Variants in RRM2 observed in about 807,000 individuals in gnomAD.
RRM2 encodes the protein ribonucleotide reductase regulatory subunit M2.
Under a neutral mutation model 45.9 loss-of-function variants are expected in RRM2, and 6 were observed. That is an observed-to-expected ratio of 0.13 (90% CI 0.07 to 0.26). RRM2 has a LOEUF of 0.26. RRM2 is among the 10% of genes least tolerant of loss of function. RRM2 has a pLI of 1.00. For synonymous variants in RRM2, 177 were observed against 173.0 expected (o/e 1.02, Z -0.18); for missense variants, 343 against 489.5 (o/e 0.70, Z 2.82).
upstream of RRM2, chr2:10,122,693 C>G (rs776092939): frequency 1.3e-5 from 20 of 1,550,746 alleles, no homozygotes; most frequent in African/African-American, 2.7e-5. Flanking sequence ...GGGCCGGGAG[C>G]GCGCGGCGCG....
intron 3 of RRM2, among the ~76,000 whole-genome samples, chr2:10,161,973 C>T (rs1475982946): frequency 1.3e-5 from 2 of 152,236 alleles, no homozygotes; most frequent in Non-Finnish European, 2.9e-5. Context: ...AGAACAGCCA[C>T]TAGGGCGAGG....
rs796909095 is a variant in RRM2 at position 10,158,464 on chromosome 2, G to GCCA, written n.482+16090_482+16092dup. On this transcript the variant is annotated intron_variant and non_coding_transcript_variant, in intron 3 of 3. Coordinates refer to the RRM2 transcript ENST00000381786. ...AGATTAGGTGAGCAAAGGGGTCTTG[G>GCCA]CCATGTCTTTCCATCTGAGGCACTC... is the stretch of plus-strand genomic sequence containing the variant. 8.0e-4 allele frequency among the ~76,000 whole-genome samples: 121 copies of GCCA among 152,022 alleles called. 1 individual carries two copies. Among genetic ancestry groups the GCCA allele is most frequent in the African/African-American group, 2.6e-3 (109 of 41,472 alleles).
At position 10,169,129 on chromosome 2, in the gene RRM2, T is replaced by C. The variant is rs868749892; in HGVS notation, n.482+26754T>C. ...CTGGGACTACAGGCACATGTCACCA[T>C]GCCCAGCTACTTTTTGTATTTTTTT... On this transcript the variant is annotated intron_variant and non_coding_transcript_variant, in intron 3 of 3. Coordinates refer to the RRM2 transcript ENST00000381786. This position sits in a 1 kb window ranked among gnomAD's most constrained non-coding sequence, Gnocchi z 5.1. 9.4e-5 allele frequency among the ~76,000 whole-genome samples: 14 copies of C among 149,272 alleles called. No individual in the cohort carries two copies. The highest frequency in any genetic ancestry group is 3.5e-3 in the Middle Eastern group (1 of 288).
chr2:10,186,212 A>C (rs565492420), intron 3 of RRM2, among the ~76,000 whole-genome samples: 58 of 152,200 alleles, frequency 3.8e-4, no homozygotes, highest in Admixed American at 2.2e-3. Flanking sequence ...TGAAGTGGGG[A>C]AGTGTGGACC....
intron 3 of RRM2, among the ~76,000 whole-genome samples, chr2:10,143,596 G>A (rs1221314609): frequency 6.6e-6 from 1 of 152,226 alleles, no homozygotes; most frequent in Admixed American, 6.5e-5. Context: ...TTGCACTGGG[G>A]GGGCCTGGTT....
At chr2:10,194,575 C>T (rs1046993034) in intron 3 of RRM2, among the ~76,000 whole-genome samples, 1 of 152,228 alleles carries the variant, frequency 6.6e-6, no homozygotes, top group Non-Finnish European at 1.5e-5. Flanking sequence ...CCTTATGGCA[C>T]GTGTCCATTT....
chr2:10,159,730 G>A (rs1419950148), intron 3 of RRM2, among the ~76,000 whole-genome samples: 5 of 152,230 alleles, frequency 3.3e-5, no homozygotes, highest in Non-Finnish European at 7.3e-5. Flanking sequence ...CAGAGATGGA[G>A]ACTGGAGCTT....
chr2:10,141,910 C>G (rs932095732), exon 2 of RRM2: 7 of 1,577,360 alleles, frequency 4.4e-6, no homozygotes, highest in African/African-American at 1.3e-5. Context: ...GGGGAGACAG[C>G]ACGCCAGTGA....
intron 3 of RRM2, among the ~76,000 whole-genome samples, chr2:10,162,584 G>A (rs751802813): frequency 2.6e-5 from 4 of 152,130 alleles, no homozygotes; most frequent in Non-Finnish European, 5.9e-5. Context: ...CCTTCATGAG[G>A]TCAAAGCCCT....
rs1572488521 is a variant in RRM2, at chr2:10,126,820, A to G, written c.570-55A>G. 5.2e-6 allele frequency: 7 copies of G among 1,350,952 alleles called. No homozygotes were observed. In the East Asian group the frequency reaches 1.6e-4, roughly 31 times the overall value. The allele number at this position is 1,350,952 out of a possible 1,614,324, so 83.7% of individuals were successfully genotyped here. A position where few individuals can be genotyped will look rare whatever the true frequency, so the allele number is the denominator to read the frequency against. ...CAGAGCTCTTATCTAGCAGTTGGTA[A>G]TCGGAGGTCTTTTACTGTAATGCTT... On this transcript the variant is annotated intron_variant, in intron 5 of 9. Coordinates refer to ENST00000304567, the MANE Select transcript of RRM2 (RefSeq NM_001034.4).
intron 3 of RRM2, among the ~76,000 whole-genome samples, chr2:10,163,003 C>T (rs1223669834): frequency 6.6e-6 from 1 of 152,204 alleles, no homozygotes; most frequent in Admixed American, 6.5e-5. Flanking sequence ...TGGGCCACTC[C>T]TGCACGCAGG....
At chr2:10,160,304 T>C (rs1663529085) in intron 3 of RRM2, among the ~76,000 whole-genome samples, 3 of 152,200 alleles carry the variant, frequency 2.0e-5, no homozygotes, top group Non-Finnish European at 1.5e-5. Flanking sequence ...TCTCACTCCC[T>C]GACAAGATGT....
chr2:10,158,409 T>G (rs1044919034), intron 3 of RRM2, among the ~76,000 whole-genome samples: 13 of 152,086 alleles, frequency 8.5e-5, no homozygotes, highest in African/African-American at 3.1e-4. Flanking sequence ...CCTGCACAAC[T>G]CCTGCCACCC....
At chr2:10,143,206 G>C (rs1215951825) in intron 3 of RRM2, among the ~76,000 whole-genome samples, 1 of 152,118 alleles carries the variant, frequency 6.6e-6, no homozygotes, top group African/African-American at 2.4e-5. Context: ...ACATCCTCTA[G>C]CCTCCTGCCT....
intron 3 of RRM2, among the ~76,000 whole-genome samples, chr2:10,168,922 T>A (rs1056672633): frequency 1.3e-5 from 2 of 152,164 alleles, no homozygotes; most frequent in African/African-American, 4.8e-5. Context: ...CCGTGTTTCA[T>A]CTGTTATTCA....
intron 3 of RRM2, among the ~76,000 whole-genome samples, chr2:10,164,171 G>A (rs538223087): frequency 6.6e-6 from 1 of 151,922 alleles, no homozygotes; most frequent in African/African-American, 2.4e-5. Context: ...GGAGCCCAGG[G>A]TGTATTTCCC....
chr2:10,126,549 A>T (rs1224423213), intron 5 of RRM2: 1 of 263,030 alleles, frequency 3.8e-6, no homozygotes, highest in East Asian at 7.4e-5. Context: ...TTGAACAATG[A>T]TCTGGACTTG....
chr2:10,200,432 C>G (rs553889610), intron 3 of RRM2, among the ~76,000 whole-genome samples: 1 of 137,814 alleles, frequency 7.3e-6, no homozygotes, highest in Non-Finnish European at 1.6e-5. Context: ...ACAGGGACCG[C>G]GCGCGCAAAA....
At chr2:10,183,313 G>T (rs1251921684) in intron 3 of RRM2, among the ~76,000 whole-genome samples, 1 of 152,234 alleles carries the variant, frequency 6.6e-6, no homozygotes. Context: ...CGGGGCTGAT[G>T]TGCCATCTGA....
Sources: gnomAD v4.1 joint callset for allele counts (sites outside exome capture counted in the v4.1 genomes callset) on GRCh38, gnomAD v4.1.1 for gene constraint, Gnocchi (gnomAD v3.1) non-coding constraint, MANE v1.5 for transcripts, NCBI Gene and HGNC (gene_info 2026-07-23, HGNC 2026-07-21) for gene names.